The following AFG3L2 variants were observed in gnomAD, a reference collection of about 807,000 sequenced individuals.
AFG3L2 encodes the protein AFG3 like matrix AAA peptidase subunit 2, also known as mitochondrial inner membrane m-AAA protease component AFG3L2.
A neutral mutation model predicts 94.5 loss-of-function variants in AFG3L2; 54 were observed. That is an observed-to-expected ratio of 0.57 (90% CI 0.46 to 0.72). AFG3L2 has a LOEUF of 0.72. Ranked by LOEUF, AFG3L2 falls within the 30% of genes least tolerant of loss-of-function variation. The pLI is 0.00. For missense variants in AFG3L2, 754 were observed against 994.9 expected (o/e 0.76, Z 3.26); for synonymous variants, 377 against 365.5 (o/e 1.03, Z -0.36).
At chr18:12,370,781 G>A (rs1411491255) in intron 3 of AFG3L2, 68 bp downstream of exon 3, 7 of 1,078,764 alleles carry the variant, frequency 6.5e-6, no homozygotes, top group East Asian at 2.5e-5. Context: ...TCTTTGTTCA[G>A]TGGAAACTAC....
chr18:12,342,893 TC>T, intron 14 of AFG3L2: 1 of 152,216 alleles, frequency 6.6e-6, no homozygotes, highest in South Asian at 2.1e-4. Context: ...AGCACTACAC[TC>T]TCATCACTGT....
chr18:12,333,036 A>AGAT (rs1568132028), intron 16 of AFG3L2, among the ~76,000 whole-genome samples: 3 of 54,942 alleles, frequency 5.5e-5, no homozygotes, highest in African/African-American at 1.5e-4. Context: ...ATATAAAAAT[A>AGAT]TATAATCTAT....
chr18:12,363,992 T>G, intron 5 of AFG3L2, 136 bp from the exon 6 acceptor site: 5 of 724,506 alleles, frequency 6.9e-6, no homozygotes, highest in South Asian at 6.3e-5. Flanking sequence ...TGCCCCCATG[T>G]TCCCCCCTAT....
chr18:12,339,334 C>A (rs1907862955), intron 15 of AFG3L2, among the ~76,000 whole-genome samples: 1 of 151,198 alleles, frequency 6.6e-6, no homozygotes, highest in South Asian at 2.1e-4. Context: ...GGGCGGATCA[C>A]CTGAGGTCAG....
intron 16 of AFG3L2, among the ~76,000 whole-genome samples, chr18:12,335,331 G>A (rs1907706145): frequency 6.6e-6 from 1 of 152,138 alleles, no homozygotes; most frequent in Non-Finnish European, 1.5e-5. Context: ...AACAAGAGAT[G>A]CATGCGTAAC....
intron 4 of AFG3L2, 76 bp downstream of exon 4, chr18:12,367,200 C>A: frequency 6.2e-7 from 1 of 1,612,214 alleles, no homozygotes; most frequent in Non-Finnish European, 8.5e-7. Context: ...ATCCCTCCAA[C>A]ACTACACTAA....
At chr18:12,367,782 T>C (rs533965690) in intron 3 of AFG3L2, among the ~76,000 whole-genome samples, 26 of 152,320 alleles carry the variant, frequency 1.7e-4, no homozygotes, top group African/African-American at 6.3e-4. Flanking sequence ...CCACGCACGG[T>C]GGCTCATGCC....
intron 3 of AFG3L2, among the ~76,000 whole-genome samples, chr18:12,368,902 C>G (rs1028103523): frequency 6.6e-6 from 1 of 151,962 alleles, no homozygotes; most frequent in Admixed American, 6.6e-5. Context: ...GCACCCGGAC[C>G]GAATACACTT....
chr18:12,331,881 A>T (rs1907544508), intron 16 of AFG3L2, among the ~76,000 whole-genome samples: 1 of 150,428 alleles, frequency 6.6e-6, no homozygotes, highest in South Asian at 2.1e-4. Flanking sequence ...CAGAGATACA[A>T]AATGAAGGCA....
intron 14 of AFG3L2, chr18:12,342,748 C>A (rs1369802376): frequency 6.6e-6 from 1 of 152,164 alleles, no homozygotes; most frequent in Non-Finnish European, 1.5e-5. Context: ...TGTGAATACT[C>A]TGTTGCCAGA....
intron 6 of AFG3L2, 132 bp downstream of exon 6, chr18:12,363,650 C>A (rs1279391011): frequency 5.5e-6 from 4 of 729,272 alleles, no homozygotes; most frequent in Non-Finnish European, 9.9e-6. Context: ...TAAGATCACC[C>A]CTGCCACACT....
intron 1 of AFG3L2, among the ~76,000 whole-genome samples, chr18:12,372,930 G>C (rs1909036739): frequency 1.3e-5 from 2 of 152,266 alleles, no homozygotes; most frequent in South Asian, 4.1e-4. Context: ...GCTTCTTTCT[G>C]GAGTGCTGAA....
chr18:12,338,874 A>G (rs1645549017), intron 15 of AFG3L2, among the ~76,000 whole-genome samples: 1 of 152,144 alleles, frequency 6.6e-6, no homozygotes, highest in African/African-American at 2.4e-5. Flanking sequence ...TCAGAACTAG[A>G]AAAGCTTCAA....
At chr18:12,366,492 G>A (rs1167794890) in intron 5 of AFG3L2, among the ~76,000 whole-genome samples, 2 of 152,146 alleles carry the variant, frequency 1.3e-5, no homozygotes, top group South Asian at 2.1e-4. Context: ...CATCTGCTCT[G>A]ACAACACACG....
chr18:12,354,634 G>A (rs1908432467), intron 9 of AFG3L2, among the ~76,000 whole-genome samples: 1 of 152,084 alleles, frequency 6.6e-6, no homozygotes, highest in South Asian at 2.1e-4. Context: ...CACTGCCAAG[G>A]TTGCCTTTTA....
At chr18:12,333,253 T>C (rs1258120057) in intron 16 of AFG3L2, among the ~76,000 whole-genome samples, 1 of 126,604 alleles carries the variant, frequency 7.9e-6, no homozygotes, top group Non-Finnish European at 1.6e-5. Flanking sequence ...TATATAAATA[T>C]ATAGATTATA....
intron 8 of AFG3L2, among the ~76,000 whole-genome samples, chr18:12,358,157 G>A (rs1007812279): frequency 6.6e-6 from 1 of 152,188 alleles, no homozygotes; most frequent in African/African-American, 2.4e-5. Flanking sequence ...CCTAGCCCTA[G>A]GGGCACCAAG....
chr18:12,367,784 G>A (rs1268469857), intron 3 of AFG3L2, among the ~76,000 whole-genome samples: 2 of 152,150 alleles, frequency 1.3e-5, no homozygotes, highest in Admixed American at 6.6e-5. Flanking sequence ...ACGCACGGTG[G>A]CTCATGCCTG....
At chr18:12,370,402 G>T (rs568642251) in intron 3 of AFG3L2, among the ~76,000 whole-genome samples, 1 of 151,130 alleles carries the variant, frequency 6.6e-6, no homozygotes, top group Admixed American at 6.6e-5. Context: ...GTAACATAAG[G>T]TCTCTAGAAT....
Sources: allele counts gnomAD v4.1 joint callset (sites outside exome capture counted in the v4.1 genomes callset), GRCh38; gene constraint gnomAD v4.1.1; transcripts MANE v1.5; gene names NCBI Gene and HGNC (gene_info 2026-07-23, HGNC 2026-07-21).